The following KCNH8 variants were observed in gnomAD, a reference collection of about 807,000 sequenced individuals.
KCNH8 encodes the protein voltage-gated delayed rectifier potassium channel KCNH8.
Under a neutral mutation model 103.6 loss-of-function variants are expected in KCNH8, and 70 were observed. The ratio of observed to expected loss-of-function variants is 0.68; its 90% CI spans 0.56 to 0.82. The LOEUF is 0.82. KCNH8 is among the 40% of genes least tolerant of loss of function. KCNH8 has a pLI of 0.00. For synonymous variants in KCNH8, 498 were observed against 489.4 expected, an observed-to-expected ratio of 1.02 and a Z score of -0.23; for missense variants, 1,217 against 1,329.9, an observed-to-expected ratio of 0.92 and a Z score of 1.32.
intron 7 of KCNH8, among the ~76,000 whole-genome samples, chr3:19,415,957 T>G (rs1198587634): frequency 6.6e-6 from 1 of 152,132 alleles, no homozygotes; most frequent in Non-Finnish European, 1.5e-5. Context: ...GGAATATTTT[T>G]TCATATATTT....
At chr3:19,228,099 C>G (rs1321051582) in intron 1 of KCNH8, among the ~76,000 whole-genome samples, 1 of 152,090 alleles carries the variant, frequency 6.6e-6, no homozygotes, top group African/African-American at 2.4e-5. Context: ...AACAGTATGA[C>G]TCTAGGGCAG....
intron 3 of KCNH8, among the ~76,000 whole-genome samples, chr3:19,299,649 T>C (rs1001911911): frequency 6.6e-6 from 1 of 151,282 alleles, no homozygotes; most frequent in Admixed American, 6.6e-5. Context: ...TAAAAAAAAA[T>C]AAAACAAAAA....
chr3:19,528,094 G>C (rs1432912259), intron 15 of KCNH8, among the ~76,000 whole-genome samples: 1 of 151,442 alleles, frequency 6.6e-6, no homozygotes, highest in Non-Finnish European at 1.5e-5. Context: ...AAGGAGAAGG[G>C]GGAAGAAGAA....
rs529313984 is a variant in KCNH8, at chr3:19,261,228, G to A, written c.310+7341G>A. On this transcript the variant is annotated intron_variant, in intron 2 of 15. Transcript: ENST00000328405. Reference sequence around the variant, plus strand: ...TACATTCCTACCAACAGTTTAGAAGGGTTCCCTTTTCTCTGCACCCCTGCC... The same window carrying A: ...TACATTCCTACCAACAGTTTAGAAGAGTTCCCTTTTCTCTGCACCCCTGCC... Among the ~76,000 whole-genome samples, 31 of 151,400 alleles carry A rather than the reference G, an allele frequency of 2.0e-4. No homozygotes were observed. In the East Asian group the frequency reaches 5.8e-3, roughly 29 times the overall value.
chr3:19,204,636 A>G (rs1363190417), intron 1 of KCNH8, among the ~76,000 whole-genome samples: 1 of 152,074 alleles, frequency 6.6e-6, no homozygotes, highest in East Asian at 1.9e-4. Flanking sequence ...AATGTATTGT[A>G]AATGTAAAAA....
intron 5 of KCNH8, among the ~76,000 whole-genome samples, chr3:19,375,690 T>C (rs1346376618): frequency 6.6e-6 from 1 of 152,252 alleles, no homozygotes; most frequent in Non-Finnish European, 1.5e-5. Context: ...CTCTGGTTTT[T>C]AGAGTTTCCA....
intron 5 of KCNH8, among the ~76,000 whole-genome samples, chr3:19,356,887 C>G (rs746727814): frequency 6.6e-6 from 1 of 151,554 alleles, no homozygotes; most frequent in Non-Finnish European, 1.5e-5. Flanking sequence ...AAGACCACCT[C>G]CTTTTCTTTC....
At chr3:19,339,648 A>G (rs1348965081) in intron 3 of KCNH8, among the ~76,000 whole-genome samples, 1 of 152,114 alleles carries the variant, frequency 6.6e-6, no homozygotes, top group Non-Finnish European at 1.5e-5. Context: ...TTAGTGATTC[A>G]AGTCTATAAT....
At chr3:19,389,254 G>GGC in intron 5 of KCNH8, among the ~76,000 whole-genome samples, 1 of 152,124 alleles carries the variant, frequency 6.6e-6, no homozygotes, top group South Asian at 2.1e-4. Flanking sequence ...GAATTCAAAA[G>GGC]GCTGACATCA....
intron 5 of KCNH8, among the ~76,000 whole-genome samples, chr3:19,381,218 G>T (rs931016346): frequency 6.6e-6 from 1 of 151,908 alleles, no homozygotes; most frequent in African/African-American, 2.4e-5. Flanking sequence ...AAAATACAGA[G>T]ATCATAAATG....
intron 5 of KCNH8, among the ~76,000 whole-genome samples, chr3:19,380,253 A>G (rs2066270630): frequency 6.6e-6 from 1 of 152,234 alleles, no homozygotes. Context: ...ACAAAACTTT[A>G]AACATGAAAT....
chr3:19,344,869 G>T (rs1419885595), intron 4 of KCNH8, among the ~76,000 whole-genome samples: 1 of 151,922 alleles, frequency 6.6e-6, no homozygotes, highest in African/African-American at 2.4e-5. Context: ...ATTTTTATTA[G>T]TCCCATTTTA....
chr3:19,446,866 C>T (rs1261331763), intron 8 of KCNH8, among the ~76,000 whole-genome samples: 1 of 151,798 alleles, frequency 6.6e-6, no homozygotes, highest in Admixed American at 6.6e-5. Flanking sequence ...AAAGAAAAAG[C>T]CAGGCAGTTC....
chr3:19,156,905 C>T (rs1230857617), intron 1 of KCNH8, among the ~76,000 whole-genome samples: 7 of 151,328 alleles, frequency 4.6e-5, no homozygotes, highest in Non-Finnish European at 1.0e-4. Context: ...ACCTTTTCTC[C>T]ACAATGAACT....
intron 1 of KCNH8, among the ~76,000 whole-genome samples, chr3:19,159,344 A>G (rs1454061402): frequency 2.0e-5 from 3 of 151,764 alleles, no homozygotes; most frequent in African/African-American, 7.3e-5. Flanking sequence ...TATAGTGTAT[A>G]TATAGTATGG....
At chr3:19,361,487 G>T (rs2065946358) in intron 5 of KCNH8, among the ~76,000 whole-genome samples, 1 of 152,034 alleles carries the variant, frequency 6.6e-6, no homozygotes, top group African/African-American at 2.4e-5. Context: ...GTATTTTGAG[G>T]TTATTTCCTA....
At chr3:19,301,271 A>T (rs1055238509) in intron 3 of KCNH8, among the ~76,000 whole-genome samples, 2 of 151,032 alleles carry the variant, frequency 1.3e-5, no homozygotes, top group Admixed American at 6.6e-5. Flanking sequence ...AATAGTGACA[A>T]TTTGTATCCA....
At chr3:19,463,986 A>C (rs967368441) in intron 11 of KCNH8, among the ~76,000 whole-genome samples, 7 of 152,174 alleles carry the variant, frequency 4.6e-5, no homozygotes, top group Admixed American at 1.3e-4. Flanking sequence ...CGCTTGCGTA[A>C]ATTAAAATGT....
intron 5 of KCNH8, among the ~76,000 whole-genome samples, chr3:19,355,822 T>C (rs905969282): frequency 6.6e-6 from 1 of 152,006 alleles, no homozygotes; most frequent in African/African-American, 2.4e-5. Context: ...ACATGGCGCA[T>C]GTATACATAT....
Sources: allele counts gnomAD v4.1 joint callset (sites outside exome capture counted in the v4.1 genomes callset), GRCh38; gene constraint gnomAD v4.1.1; transcripts MANE v1.5; gene names NCBI Gene and HGNC (gene_info 2026-07-23, HGNC 2026-07-21).